Variants in ABCB5 observed in about 807,000 individuals in gnomAD.
The protein encoded by ABCB5 is ATP binding cassette subfamily B member 5.
ABCB5 carries 155 observed loss-of-function variants against 144.2 expected under a neutral mutation model. The ratio of observed to expected loss-of-function variants is 1.08; its 90% CI spans 0.94 to 1.23. The LOEUF (loss-of-function observed/expected upper bound fraction) is 1.23, where lower values mean the gene tolerates loss of function less well. Among genes scored for constraint, ABCB5 ranks in the 50% most tolerant of loss-of-function variants. ABCB5 has a pLI of 0.00. For synonymous variants in ABCB5, 610 were observed against 528.6 expected (o/e 1.15, Z -2.11); for missense variants, 1,830 against 1,520.8 (o/e 1.20, Z -3.38).
intron 26 of ABCB5, 83 bp from the exon 27 acceptor site, chr7:20,753,277 T>C: frequency 1.3e-6 from 2 of 1,488,082 alleles, no homozygotes; most frequent in Non-Finnish European, 1.8e-6. Flanking sequence ...AAATTTGAAA[T>C]ATTTAGATGG....
At position 20,666,824 on chromosome 7, in the gene ABCB5, C is replaced by T. The variant is rs180823307; in HGVS notation, c.1707+8148C>T. ...CTATCTACGTTGAGGTATCTGGAACCACAGTGGTATGAATTGCACTATCTC... is the reference window on the plus strand; with the variant it reads ...CTATCTACGTTGAGGTATCTGGAACTACAGTGGTATGAATTGCACTATCTC... On this transcript the variant is annotated intron_variant, in intron 14 of 27. Coordinates refer to ENST00000404938, the MANE Select transcript of ABCB5 (RefSeq NM_001163941.2). 2.1e-4 allele frequency: 326 copies of T among 1,562,266 alleles called. 2 individuals carry two copies. The East Asian group carries it at 5.4e-3, about 26-fold the overall frequency.
intron 14 of ABCB5, chr7:20,666,627 T>A: frequency 8.6e-7 from 1 of 1,156,666 alleles, no homozygotes; most frequent in Non-Finnish European, 1.2e-6. Flanking sequence ...GTCAGCAAAG[T>A]GTCAAGTAGA....
At chr7:20,662,830 A>G (rs1785045513) in intron 14 of ABCB5, among the ~76,000 whole-genome samples, 1 of 151,820 alleles carries the variant, frequency 6.6e-6, no homozygotes, top group Non-Finnish European at 1.5e-5. Context: ...AAAGGGAAAA[A>G]TAAACCACCA....
intron 14 of ABCB5, among the ~76,000 whole-genome samples, chr7:20,667,740 T>C (rs1430184210): frequency 1.7e-5 from 2 of 116,700 alleles, no homozygotes; most frequent in Admixed American, 1.8e-4. Flanking sequence ...TGCCTCTGCC[T>C]CTGCCTCTGC....
At chr7:20,623,950 C>T (rs529452301) in intron 2 of ABCB5, among the ~76,000 whole-genome samples, 1 of 152,296 alleles carries the variant, frequency 6.6e-6, no homozygotes, top group Non-Finnish European at 1.5e-5. Flanking sequence ...GGCATTCCAG[C>T]GATACCATTT....
chr7:20,644,558 C>T (rs1444648924), intron 7 of ABCB5, among the ~76,000 whole-genome samples: 1 of 152,154 alleles, frequency 6.6e-6, no homozygotes, highest in African/African-American at 2.4e-5. Context: ...TATCTACAGC[C>T]TGGTTTTGAA....
At chr7:20,626,965 T>G (rs75495305) in intron 3 of ABCB5, among the ~76,000 whole-genome samples, 8,555 of 152,180 alleles carry the variant, frequency 0.056, 343 homozygotes, top group South Asian at 0.14. Flanking sequence ...TATCTATGTT[T>G]ACATTTCAGT....
intron 13 of ABCB5, 120 bp downstream of exon 13, chr7:20,651,743 G>A (rs1326570640): frequency 1.9e-5 from 20 of 1,080,818 alleles, no homozygotes; most frequent in Non-Finnish European, 2.5e-5. Flanking sequence ...ATTCTGGATT[G>A]TCCTAGAACA....
intron 20 of ABCB5, among the ~76,000 whole-genome samples, chr7:20,720,055 A>G (rs571835062): frequency 7.9e-4 from 121 of 152,322 alleles, no homozygotes; most frequent in South Asian, 3.1e-3. Context: ...ATTCTCCACT[A>G]AAAGAACCCA....
At position 20,753,554 on chromosome 7, in the gene ABCB5, T is replaced by C. The variant is rs368004614; in HGVS notation, c.3576+48T>C. 10 of 1,560,442 alleles carry C rather than the reference T, an allele frequency of 6.4e-6. No homozygotes were observed. The African/African-American group carries it at 1.1e-4, about 17-fold the overall frequency. Reference sequence around the variant, plus strand: ...CAGAATATAATACCAAATATAAGCATCCAATAACATGGAGGAAACCAAGGT... The same window carrying C: ...CAGAATATAATACCAAATATAAGCACCCAATAACATGGAGGAAACCAAGGT... On this transcript the variant is annotated intron_variant, in intron 27 of 27. Transcript: ENST00000404938.
At chr7:20,659,374 T>C in intron 14 of ABCB5, 1 of 1,251,340 alleles carries the variant, frequency 8.0e-7, no homozygotes, top group Non-Finnish European at 1.0e-6. Flanking sequence ...ACTTTGCATT[T>C]GCTTGGAAGT....
At chr7:20,656,781 A>G (rs1257029047) in intron 13 of ABCB5, among the ~76,000 whole-genome samples, 1 of 152,194 alleles carries the variant, frequency 6.6e-6, no homozygotes, top group African/African-American at 2.4e-5. Flanking sequence ...AAACATGACC[A>G]CAAAAATATC....
intron 5 of ABCB5, among the ~76,000 whole-genome samples, 156 bp from the exon 6 acceptor site, chr7:20,643,028 T>C (rs1294077605): frequency 2.0e-5 from 3 of 152,252 alleles, no homozygotes; most frequent in African/African-American, 7.2e-5. Flanking sequence ...TAGATCATTA[T>C]ATTCAATGCA....
chr7:20,719,719 G>C (rs1378306216), intron 20 of ABCB5, among the ~76,000 whole-genome samples: 1 of 152,190 alleles, frequency 6.6e-6, no homozygotes, highest in Non-Finnish European at 1.5e-5. Flanking sequence ...CATGAGAGCA[G>C]ATGGGTTACC....
intron 26 of ABCB5, among the ~76,000 whole-genome samples, chr7:20,748,655 A>C (rs1782811521): frequency 1.4e-5 from 1 of 72,730 alleles, no homozygotes; most frequent in Non-Finnish European, 3.1e-5. Flanking sequence ...CATCTCAAAA[A>C]AAAAAAAAAA....
chr7:20,699,839 T>C lies in ABCB5; in HGVS notation c.2169T>C (p.Asn723=), dbSNP rs756286058. The C allele has an allele frequency of 4.4e-6, 7 of 1,602,462 alleles. No homozygotes were observed. The East Asian group carries it at 1.3e-4, about 31-fold the overall frequency. ...TTCCTTTTCAGATGTTTGGAAATAA[T>C]GATAAAACCACATTAAAGCATGATG... The part of the protein sequence containing the change: ...FAKIITMFGN[N]DKTTLKHDAE... The change falls in exon 18 of 28, where the codon AAT becomes AAC. Residue 723 remains asparagine, a synonymous_variant. Coordinates refer to ENST00000404938, the MANE Select transcript of ABCB5 (RefSeq NM_001163941.2).
intron 23 of ABCB5, among the ~76,000 whole-genome samples, chr7:20,731,344 C>A (rs1047083861): frequency 1.7e-5 from 2 of 117,690 alleles, no homozygotes; most frequent in African/African-American, 3.5e-5. Context: ...CAGAGCAAGA[C>A]TCCAACTCAG....
chr7:20,630,470 G>T (rs1425185464), intron 4 of ABCB5, among the ~76,000 whole-genome samples: 1 of 151,952 alleles, frequency 6.6e-6, no homozygotes, highest in Non-Finnish European at 1.5e-5. Flanking sequence ...TCTTGAGTGG[G>T]ATAAACCCAT....
chr7:20,658,879 GT>G (rs1290359947), intron 14 of ABCB5, among the ~76,000 whole-genome samples: 2 of 152,118 alleles, frequency 1.3e-5, no homozygotes, highest in African/African-American at 4.8e-5. Context: ...GTTGGTTGGT[GT>G]AAAAATATAT....
Sources: allele counts gnomAD v4.1 joint callset (sites outside exome capture counted in the v4.1 genomes callset), GRCh38; gene constraint gnomAD v4.1.1; transcripts MANE v1.5; gene names NCBI Gene and HGNC (gene_info 2026-07-23, HGNC 2026-07-21).